Variants in STIL observed in about 807,000 individuals in gnomAD.
STIL encodes SCL-interrupting locus protein.
STIL carries 55 observed loss-of-function variants against 110.1 expected under a neutral mutation model. The ratio of observed to expected loss-of-function variants is 0.50; its 90% confidence interval spans 0.40 to 0.63. The LOEUF is 0.63. Among genes scored for constraint, STIL ranks in the 20% least tolerant of loss-of-function variants. STIL has a pLI of 0.00. For synonymous variants in STIL, 481 were observed against 530.0 expected (o/e 0.91, Z 1.27); for missense variants, 1,358 against 1,530.0 (o/e 0.89, Z 1.87).
intron 10 of STIL, among the ~76,000 whole-genome samples, chr1:47,286,363 G>A (rs545452042): frequency 5.9e-5 from 9 of 151,884 alleles, no homozygotes; most frequent in Non-Finnish European, 1.3e-4. Flanking sequence ...GCAGCTTGAG[G>A]AGAGGAACTT....
At chr1:47,289,609 T>A in intron 8 of STIL, 24 bp from the exon 9 acceptor site, 2 of 1,590,926 alleles carry the variant, frequency 1.3e-6, no homozygotes, top group Non-Finnish European at 1.7e-6. Context: ...GTCATTTAAT[T>A]AAAATTTAAT....
Position 47,269,880 on chromosome 1 carries a change from A to C in STIL, c.2384-14T>G. ...ACAAGCTAGCACCTGGAGGTTAAAT[A>C]ATTTAAGATACTGAAACAAACATTC... On this transcript the variant is annotated splice_polypyrimidine_tract_variant and intron_variant, in intron 13 of 16. Coordinates refer to ENST00000371877, the MANE Select transcript of STIL (RefSeq NM_001048166.1). 6.3e-7 allele frequency: 1 copy of C among 1,598,170 alleles called. No individual in the cohort carries two copies. The highest frequency in any genetic ancestry group is 8.6e-7 in the Non-Finnish European group (1 of 1,165,496).
chr1:47,313,338 AAAT>A (rs2149303823), intron 1 of STIL, among the ~76,000 whole-genome samples: 1 of 18,940 alleles, frequency 5.3e-5, no homozygotes, highest in African/African-American at 2.1e-4. Flanking sequence ...ATAAACATAA[AAAT>A]AAATTTTTTT....
intron 16 of STIL, among the ~76,000 whole-genome samples, chr1:47,253,267 T>G (rs1644238332): frequency 6.6e-6 from 1 of 152,232 alleles, no homozygotes. Context: ...TTACATTCCC[T>G]TTCCCCTACT....
rs141487071 is a variant in STIL at position 47,287,407 on chromosome 1, G to C, written c.1133+144C>G. The C allele has an allele frequency of 2.9e-3, 1,703 of 582,132 alleles. 17 individuals are homozygous for C. The highest frequency in any genetic ancestry group is 0.028 in the African/African-American group (1,493 of 53,150). The allele number at this position is 582,132 out of a possible 1,614,324, so 36.1% of individuals were successfully genotyped here. A position where few individuals can be genotyped will look rare whatever the true frequency, so the allele number is the denominator to read the frequency against. ...ATCCAACTTCCTAGTGAATATGAAG[G>C]AATGCATTTAAAACAAAGACATTTA... On this transcript the variant is annotated intron_variant, in intron 10 of 16. Transcript: ENST00000371877.
At chr1:47,305,370 C>T (rs1444228078) in intron 2 of STIL, 3 of 203,326 alleles carry the variant, frequency 1.5e-5, no homozygotes, top group African/African-American at 7.1e-5. Flanking sequence ...AGTCATCCAC[C>T]TGCCTCGGCC....
At chr1:47,286,316 C>A (rs180966917) in intron 10 of STIL, among the ~76,000 whole-genome samples, 296 of 152,238 alleles carry the variant, frequency 1.9e-3, no homozygotes, top group Non-Finnish European at 3.2e-3. Context: ...TTTCAATATT[C>A]CAACTTCAAT....
intron 6 of STIL, among the ~76,000 whole-genome samples, chr1:47,296,417 T>C (rs751305690): frequency 6.6e-6 from 1 of 152,196 alleles, no homozygotes; most frequent in Non-Finnish European, 1.5e-5. Flanking sequence ...ATTTATATTT[T>C]ATTATATTTA....
At chr1:47,288,579 G>A (rs547777149) in intron 9 of STIL, among the ~76,000 whole-genome samples, 5 of 152,044 alleles carry the variant, frequency 3.3e-5, no homozygotes, top group African/African-American at 1.2e-4. Flanking sequence ...TTCGAGGTGT[G>A]AGCCGCCACG....
At chr1:47,293,119 C>G (rs563058107) in intron 8 of STIL, among the ~76,000 whole-genome samples, 1 of 152,234 alleles carries the variant, frequency 6.6e-6, no homozygotes, top group East Asian at 1.9e-4. Flanking sequence ...GGTAACAAAT[C>G]CAAACTCATT....
intron 7 of STIL, 121 bp downstream of exon 7, chr1:47,295,644 C>T (rs1645620902): frequency 1.4e-6 from 1 of 720,242 alleles, no homozygotes; most frequent in Non-Finnish European, 2.4e-6. Flanking sequence ...AACCTGACAA[C>T]CACTTATCTT....
chr1:47,291,572 T>C (rs1248119070), intron 8 of STIL, among the ~76,000 whole-genome samples: 1 of 151,742 alleles, frequency 6.6e-6, no homozygotes, highest in Non-Finnish European at 1.5e-5. Context: ...TGCAGGACTA[T>C]TTTATTTTTT....
intron 16 of STIL, among the ~76,000 whole-genome samples, chr1:47,258,992 C>CTTGTTTTTTTTTT: frequency 1.1e-5 from 1 of 94,402 alleles, no homozygotes; most frequent in Non-Finnish European, 1.9e-5. Flanking sequence ...AGTAACTTTG[C>CTTGTTTTTTTTTT]TTTTTTTTTT....
chr1:47,299,716 G>A (rs1645747765), intron 6 of STIL, 189 bp downstream of exon 6: 1 of 632,432 alleles, frequency 1.6e-6, no homozygotes, highest in African/African-American at 1.8e-5. Context: ...TTTGTAGGTG[G>A]TGGCACAACT....
At chr1:47,258,623 C>T (rs1644389284) in intron 16 of STIL, among the ~76,000 whole-genome samples, 1 of 152,120 alleles carries the variant, frequency 6.6e-6, no homozygotes, top group Non-Finnish European at 1.5e-5. Context: ...AATCCTAGCA[C>T]TTTGGGAGGC....
At chr1:47,287,044 T>C (rs1397772501) in intron 10 of STIL, among the ~76,000 whole-genome samples, 1 of 152,104 alleles carries the variant, frequency 6.6e-6, no homozygotes, top group Non-Finnish European at 1.5e-5. Flanking sequence ...TTTATAGTAG[T>C]TTATCTGATA....
intron 16 of STIL, among the ~76,000 whole-genome samples, chr1:47,256,545 T>TG (rs895758829): frequency 7.9e-5 from 11 of 138,608 alleles, no homozygotes; most frequent in African/African-American, 2.8e-4. Flanking sequence ...TGCTTGAACC[T>TG]GGGGGGCGGA....
chr1:47,303,732 A>G (rs1275498133), intron 3 of STIL, among the ~76,000 whole-genome samples: 1 of 151,826 alleles, frequency 6.6e-6, no homozygotes, highest in Non-Finnish European at 1.5e-5. Flanking sequence ...CTTCCATAAG[A>G]CTCTCCCTAT....
intron 3 of STIL, among the ~76,000 whole-genome samples, chr1:47,303,538 C>A (rs1418794117): frequency 2.0e-5 from 3 of 152,132 alleles, no homozygotes; most frequent in Non-Finnish European, 4.4e-5. Flanking sequence ...GCACTCCAGC[C>A]TGGACAACAA....
Sources: allele counts gnomAD v4.1 joint callset (sites outside exome capture counted in the v4.1 genomes callset), GRCh38; gene constraint gnomAD v4.1.1; transcripts MANE v1.5; gene names NCBI Gene and HGNC (gene_info 2026-07-23, HGNC 2026-07-21).